The following PIP5K1A variants were observed in gnomAD, a reference collection of about 807,000 sequenced individuals.
PIP5K1A encodes phosphatidylinositol 4-phosphate 5-kinase type-1 alpha.
PIP5K1A carries 46 observed loss-of-function variants against 72.9 expected under a neutral mutation model. That is an observed-to-expected ratio of 0.63 (90% CI 0.50 to 0.81). The LOEUF (loss-of-function observed/expected upper bound fraction) is 0.81, where lower values mean the gene tolerates loss of function less well. Among genes scored for constraint, PIP5K1A ranks in the 30% least tolerant of loss-of-function variants. PIP5K1A has a pLI of 0.00. For missense variants in PIP5K1A, 458 were observed against 706.1 expected, an observed-to-expected ratio of 0.65 and a Z score of 3.98; for synonymous variants, 228 against 255.1, an observed-to-expected ratio of 0.89 and a Z score of 1.01.
At chr1:151,240,792 T>C (rs1048466352) in intron 12 of PIP5K1A, among the ~76,000 whole-genome samples, 5 of 152,120 alleles carry the variant, frequency 3.3e-5, no homozygotes, top group Admixed American at 3.3e-4. Flanking sequence ...TAAAAAAATC[T>C]TTACAAAGTG....
Position 151,206,589 on chromosome 1 carries a change from G to A in PIP5K1A, c.85+7508G>A, listed in dbSNP as rs587733791. Among the ~76,000 whole-genome samples, 12 of 151,964 alleles carry A rather than the reference G, an allele frequency of 7.9e-5. No individual in the cohort carries two copies. The South Asian group carries it at 1.3e-3, about 16-fold the overall frequency. On this transcript the variant is annotated intron_variant, in intron 1 of 15. Coordinates refer to ENST00000368888, the MANE Select transcript of PIP5K1A (RefSeq NM_001135638.2). ...TTTGTTTTGTTTTGTTTTTTGAGGC[G>A]GAGTTTCACTCTTTTGCCCAGGCTG...
chr1:151,227,411 A>G lies in PIP5K1A; in HGVS notation c.237+11A>G, dbSNP rs1322904964. 5 of 1,588,750 alleles carry G rather than the reference A, an allele frequency of 3.1e-6. No homozygotes were observed. Among genetic ancestry groups the G allele is most frequent in the Non-Finnish European group, 4.3e-6 (5 of 1,157,800 alleles). On this transcript the variant is annotated intron_variant, in intron 4 of 15. Coordinates refer to ENST00000368888, the MANE Select transcript of PIP5K1A (RefSeq NM_001135638.2). Reference sequence around the variant, plus strand: ...ACAACATATAAAAAGGTGTGTCTGGATGAAACCGTCTCATCTTACTCCAGG... The same window carrying G: ...ACAACATATAAAAAGGTGTGTCTGGGTGAAACCGTCTCATCTTACTCCAGG...
chr1:151,222,235 C>G (rs753986777), intron 1 of PIP5K1A, among the ~76,000 whole-genome samples: 10 of 152,172 alleles, frequency 6.6e-5, no homozygotes, highest in Non-Finnish European at 1.3e-4. Context: ...TGTCCTGATT[C>G]TGCTCCTCTC....
chr1:151,202,762 C>G (rs1572132586), intron 1 of PIP5K1A, among the ~76,000 whole-genome samples: 1 of 150,534 alleles, frequency 6.6e-6, no homozygotes, highest in African/African-American at 2.4e-5. Context: ...AGCCACCATG[C>G]CCTGCCAGTA....
At chr1:151,217,636 C>T (rs1687830299) in intron 1 of PIP5K1A, among the ~76,000 whole-genome samples, 1 of 152,102 alleles carries the variant, frequency 6.6e-6, no homozygotes, top group African/African-American at 2.4e-5. Flanking sequence ...AGCTGGAGTG[C>T]AGTGGCATGA....
chr1:151,196,724 G>T (rs1684581421), upstream of PIP5K1A, among the ~76,000 whole-genome samples: 1 of 151,534 alleles, frequency 6.6e-6, no homozygotes, highest in African/African-American at 2.4e-5. Context: ...ACTACGCCTG[G>T]GTAATTTTGT....
At chr1:151,197,446 A>AT (rs1290491227), upstream of PIP5K1A, among the ~76,000 whole-genome samples, 3 of 150,814 alleles carry the variant, frequency 2.0e-5, no homozygotes, top group African/African-American at 7.3e-5. Context: ...CGCCCGGCTA[A>AT]TTTTTTGTAT....
chr1:151,223,307 G>A (rs956759433), intron 1 of PIP5K1A, among the ~76,000 whole-genome samples: 68 of 144,224 alleles, frequency 4.7e-4, no homozygotes, highest in Admixed American at 8.6e-4. Context: ...CCAAGATGGC[G>A]CTGTTGCACT....
Position 151,232,721 on chromosome 1 carries a change from A to G in PIP5K1A, c.639+18A>G, listed in dbSNP as rs1252567408. The stretch of plus-strand genomic sequence containing the variant: ...ACTACATGGTAAGGGAGAGAGAAGC[A>G]CTGTCCACCTGTGCTGCTCACTTCT... On this transcript the variant is annotated intron_variant, in intron 7 of 15. Coordinates refer to ENST00000368888, the MANE Select transcript of PIP5K1A (RefSeq NM_001135638.2). The G allele has an allele frequency of 2.5e-6, 4 of 1,610,380 alleles. No individual in the cohort carries two copies. The highest frequency in any genetic ancestry group is 1.3e-5 in the African/African-American group (1 of 74,740).
intron 1 of PIP5K1A, among the ~76,000 whole-genome samples, chr1:151,208,584 C>T (rs1169546385): frequency 2.0e-5 from 3 of 151,664 alleles, no homozygotes; most frequent in Non-Finnish European, 4.4e-5. Flanking sequence ...TGGTCTCGAA[C>T]TCCTGACTTT....
intron 14 of PIP5K1A, among the ~76,000 whole-genome samples, chr1:151,243,903 C>T (rs587728243): frequency 3.3e-5 from 5 of 152,158 alleles, no homozygotes; most frequent in African/African-American, 1.2e-4. Context: ...CTCTGTTTTT[C>T]GGTTGAAAGG....
intron 1 of PIP5K1A, among the ~76,000 whole-genome samples, chr1:151,214,175 C>CA (rs1422741948): frequency 1.3e-5 from 2 of 152,044 alleles, no homozygotes; most frequent in Non-Finnish European, 2.9e-5. Flanking sequence ...CCCTATTGTT[C>CA]ACTTAGATTC....
intron 12 of PIP5K1A, among the ~76,000 whole-genome samples, chr1:151,241,816 A>T (rs1691755320): frequency 6.6e-6 from 1 of 151,866 alleles, no homozygotes; most frequent in African/African-American, 2.4e-5. Context: ...AAAAAAAAAA[A>T]AGGAATTATG....
intron 14 of PIP5K1A, among the ~76,000 whole-genome samples, chr1:151,245,842 C>T (rs889529742): frequency 6.6e-5 from 10 of 152,100 alleles, no homozygotes; most frequent in African/African-American, 2.4e-4. Context: ...GGCCACCACC[C>T]CCAAATTTTA....
At chr1:151,210,789 G>A (rs901213547) in intron 1 of PIP5K1A, among the ~76,000 whole-genome samples, 5 of 151,924 alleles carry the variant, frequency 3.3e-5, no homozygotes, top group Non-Finnish European at 7.4e-5. Flanking sequence ...GTTTTGCCAT[G>A]TTGACCAGGC....
chr1:151,215,943 TTC>T (rs1687530071), intron 1 of PIP5K1A: 3 of 1,297,736 alleles, frequency 2.3e-6, no homozygotes, highest in Non-Finnish European at 3.1e-6. Context: ...AGGGGTAACT[TTC>T]TGTTTTTCCT....
intron 1 of PIP5K1A, among the ~76,000 whole-genome samples, chr1:151,202,223 C>T (rs1287204361): frequency 6.6e-6 from 1 of 152,178 alleles, no homozygotes; most frequent in Non-Finnish European, 1.5e-5. Context: ...CCATTTTCAG[C>T]ATTGTCAGAG....
At chr1:151,222,507 T>C (rs1688521183) in intron 1 of PIP5K1A, among the ~76,000 whole-genome samples, 1 of 152,186 alleles carries the variant, frequency 6.6e-6, no homozygotes, top group South Asian at 2.1e-4. Context: ...CCACTCTGCA[T>C]TGAAATTACT....
chr1:151,240,673 A>C (rs1158251103), intron 12 of PIP5K1A, among the ~76,000 whole-genome samples: 1 of 152,098 alleles, frequency 6.6e-6, no homozygotes, highest in Admixed American at 6.5e-5. Context: ...CACACCTATA[A>C]TCCCAGCACT....
Sources: allele counts gnomAD v4.1 joint callset (sites outside exome capture counted in the v4.1 genomes callset), GRCh38; gene constraint gnomAD v4.1.1; transcripts MANE v1.5; gene names NCBI Gene and HGNC (gene_info 2026-07-23, HGNC 2026-07-21).